LRRTM3: variants seen among roughly 807,000 people sequenced by gnomAD.
The protein encoded by LRRTM3 is leucine-rich repeat transmembrane neuronal protein 3.
In LRRTM3, 24 loss-of-function variants were observed where a neutral mutation model predicts 44.7. The ratio of observed to expected loss-of-function variants is 0.54; its 90% confidence interval spans 0.39 to 0.76. The LOEUF (loss-of-function observed/expected upper bound fraction) is 0.76. LRRTM3 is among the 30% of genes least tolerant of loss of function. The pLI is 0.00. For missense variants in LRRTM3, 587 were observed against 702.2 expected (o/e 0.84, Z 1.85); for synonymous variants, 277 against 278.7 (o/e 0.99, Z 0.06).
intron 2 of LRRTM3, among the ~76,000 whole-genome samples, chr10:66,956,144 T>A (rs1377191915): frequency 6.6e-6 from 1 of 151,930 alleles, no homozygotes; most frequent in African/African-American, 2.4e-5. Context: ...AGCCTTCATA[T>A]TTCCTACATG....
At chr10:67,021,357 A>C (rs1853003728) in intron 2 of LRRTM3, among the ~76,000 whole-genome samples, 1 of 152,176 alleles carries the variant, frequency 6.6e-6, no homozygotes, top group Non-Finnish European at 1.5e-5. Context: ...ACAATCAGTG[A>C]ATAAATCAGT....
intron 2 of LRRTM3, among the ~76,000 whole-genome samples, chr10:67,000,485 G>A (rs946179744): frequency 6.6e-6 from 1 of 152,258 alleles, no homozygotes; most frequent in Admixed American, 6.5e-5. Context: ...CTTACACAAG[G>A]TCTTCCACTT....
intron 2 of LRRTM3, among the ~76,000 whole-genome samples, chr10:67,041,045 C>T (rs779719429): frequency 6.6e-6 from 1 of 151,928 alleles, no homozygotes; most frequent in African/African-American, 2.4e-5. Flanking sequence ...TTTACACACA[C>T]AAAGAAAACA....
intron 2 of LRRTM3, among the ~76,000 whole-genome samples, chr10:67,069,435 G>T (rs1037702301): frequency 1.3e-5 from 2 of 151,994 alleles, no homozygotes; most frequent in Non-Finnish European, 2.9e-5. Flanking sequence ...TGTTTTTGAA[G>T]TATAAGATTT....
At position 67,026,661 on chromosome 10, in the gene LRRTM3, C is replaced by T. The variant is rs77252651; in HGVS notation, c.1537-70926C>T. Reference sequence around the variant, plus strand: ...AGGAGCTTAAACCCTGGGAGGAAACCAATTTCTTCATAAAGCATCTCTTTC... The same window carrying T: ...AGGAGCTTAAACCCTGGGAGGAAACTAATTTCTTCATAAAGCATCTCTTTC... On this transcript the variant is annotated intron_variant, in intron 2 of 2. Transcript: ENST00000361320. 3.3e-5 allele frequency among the ~76,000 whole-genome samples: 5 copies of T among 152,232 alleles called. No homozygotes were observed. The East Asian group carries it at 9.7e-4, about 29-fold the overall frequency.
chr10:67,014,540 A>G (rs949368248), intron 2 of LRRTM3, among the ~76,000 whole-genome samples: 5 of 152,154 alleles, frequency 3.3e-5, no homozygotes, highest in African/African-American at 9.6e-5. Context: ...TACTGTTCCT[A>G]TGATCTCTTT....
Position 67,019,241 on chromosome 10 carries a change from C to T in LRRTM3, c.1537-78346C>T, listed in dbSNP as rs146558234. Among the ~76,000 whole-genome samples, 857 of 152,138 alleles carry T rather than the reference C, an allele frequency of 5.6e-3. 8 individuals carry two copies. The highest frequency in any genetic ancestry group is 0.019 in the African/African-American group (774 of 41,496). On this transcript the variant is annotated intron_variant, in intron 2 of 2. Coordinates refer to ENST00000361320, the MANE Select transcript of LRRTM3 (RefSeq NM_178011.5). ...ATTTTATTATTATTTTGTTTTGAGACGTAGTCTCGCTCTGTTGCCCAGGCT... is the reference window on the plus strand; with the variant it reads ...ATTTTATTATTATTTTGTTTTGAGATGTAGTCTCGCTCTGTTGCCCAGGCT...
At chr10:66,975,533 G>C (rs1025786300) in intron 2 of LRRTM3, among the ~76,000 whole-genome samples, 5 of 152,162 alleles carry the variant, frequency 3.3e-5, no homozygotes, top group African/African-American at 1.2e-4. Flanking sequence ...TTGCAAATCA[G>C]ATCAAGAATT....
chr10:67,033,246 G>T (rs1413068206), intron 2 of LRRTM3, among the ~76,000 whole-genome samples: 1 of 152,130 alleles, frequency 6.6e-6, no homozygotes, highest in Non-Finnish European at 1.5e-5. Flanking sequence ...TTCTCTCTGA[G>T]GCAAAGTGTT....
intron 2 of LRRTM3, among the ~76,000 whole-genome samples, chr10:67,097,088 T>C (rs554917123): frequency 1.8e-4 from 27 of 152,008 alleles, no homozygotes; most frequent in Middle Eastern, 3.4e-3. Flanking sequence ...CCAGGACCTA[T>C]ACCAGACCTA....
In LRRTM3 at chr10:66,945,416, C is replaced by T. The variant is rs948420671; in HGVS notation, c.1536+16964C>T. 3.3e-5 allele frequency among the ~76,000 whole-genome samples: 5 copies of T among 152,172 alleles called. 1 individual carries two copies. Among genetic ancestry groups the T allele is most frequent in the Admixed American group, 1.3e-4 (2 of 15,274 alleles). ...CAACCTTTCCTTCTGCAGCTTCCTC[C>T]CTTCTTTCAGCCTTTGTAGAATTGA... On this transcript the variant is annotated intron_variant, in intron 2 of 2. Coordinates refer to ENST00000361320, the MANE Select transcript of LRRTM3 (RefSeq NM_178011.5).
intron 2 of LRRTM3, among the ~76,000 whole-genome samples, chr10:66,967,734 AAAGAT>A (rs1388223460): frequency 6.6e-6 from 1 of 152,100 alleles, no homozygotes; most frequent in South Asian, 2.1e-4. Context: ...TGTGAAACAT[AAAGAT>A]AAGAGTGCCA....
intron 2 of LRRTM3, among the ~76,000 whole-genome samples, chr10:66,989,707 A>C (rs1031376201): frequency 6.6e-6 from 1 of 152,146 alleles, no homozygotes; most frequent in Non-Finnish European, 1.5e-5. Flanking sequence ...ATTTTAAAAG[A>C]ATTTACCTCT....
chr10:66,965,625 C>A (rs1427673840), intron 2 of LRRTM3, among the ~76,000 whole-genome samples: 1 of 151,080 alleles, frequency 6.6e-6, no homozygotes, highest in Non-Finnish European at 1.5e-5. Context: ...AAGACAGTTC[C>A]CAAAATGTCT....
intron 2 of LRRTM3, among the ~76,000 whole-genome samples, chr10:67,087,012 A>C (rs1318654969): frequency 3.3e-5 from 5 of 152,004 alleles, no homozygotes; most frequent in African/African-American, 1.2e-4. Context: ...ACCTCATTGC[A>C]CCACAGTATG....
In LRRTM3 at chr10:66,943,519, CTT is replaced by C. The variant is rs34477836; in HGVS notation, c.1536+15079_1536+15080del. On this transcript the variant is annotated intron_variant, in intron 2 of 2. Transcript: ENST00000361320. ...TGATCCCAAATCCAATTCCCCCACC[CTT>C]TTTTTTTTTTTCAGTATTAGCATTG... Among the ~76,000 whole-genome samples, 302 of 141,396 alleles carry C rather than the reference CTT, an allele frequency of 2.1e-3. 1 individual carries two copies. The highest frequency in any genetic ancestry group is 7.3e-3 in the Middle Eastern group (2 of 274). 92.8% of individuals were successfully genotyped at this position (141,396 alleles called of 152,430 possible). A position where few individuals can be genotyped will look rare whatever the true frequency, so the allele number is the denominator to read the frequency against.
chr10:66,980,092 A>G (rs559100852), intron 2 of LRRTM3, among the ~76,000 whole-genome samples: 3 of 152,248 alleles, frequency 2.0e-5, no homozygotes, highest in Non-Finnish European at 2.9e-5. Flanking sequence ...TAAAGCACCA[A>G]CTGTATTTCC....
chr10:66,944,021 G>C (rs1019935667), intron 2 of LRRTM3, among the ~76,000 whole-genome samples: 1 of 152,094 alleles, frequency 6.6e-6, no homozygotes, highest in Non-Finnish European at 1.5e-5. Flanking sequence ...TAAAAGTTGA[G>C]GTGACTGTGG....
intron 2 of LRRTM3, among the ~76,000 whole-genome samples, chr10:67,041,824 T>G (rs892871366): frequency 6.6e-6 from 1 of 152,106 alleles, no homozygotes; most frequent in Non-Finnish European, 1.5e-5. Context: ...TAAAGTGCTG[T>G]AGCTGATATA....
Sources: allele counts gnomAD v4.1 joint callset (sites outside exome capture counted in the v4.1 genomes callset), GRCh38; gene constraint gnomAD v4.1.1; transcripts MANE v1.5; gene names NCBI Gene and HGNC (gene_info 2026-07-23, HGNC 2026-07-21).